ZNF233: variants seen among roughly 807,000 people sequenced by gnomAD.
ZNF233 encodes zinc finger protein 233.
In ZNF233, 7 loss-of-function variants were observed where a neutral mutation model predicts 11.6. The observed-to-expected ratio is 0.60, with a 90% CI of 0.34 to 1.13. The LOEUF is 1.13. ZNF233 is among the 50% of genes most tolerant of loss of function. ZNF233 has a pLI of 0.03. For synonymous variants in ZNF233, 226 were observed against 268.5 expected, an observed-to-expected ratio of 0.84 and a Z score of 1.55; for missense variants, 711 against 785.5, an observed-to-expected ratio of 0.91 and a Z score of 1.13.
intron 1 of ZNF233, among the ~76,000 whole-genome samples, chr19:44,261,483 G>C (rs143476398): frequency 6.6e-6 from 1 of 152,036 alleles, no homozygotes; most frequent in African/African-American, 2.4e-5. Flanking sequence ...ATGACTGGGG[G>C]ATGCTCAAGA....
chr19:44,274,160 A>C lies in ZNF233; in HGVS notation c.1500A>C (p.Arg500Ser). 1 of 1,614,072 alleles carries C rather than the reference A, an allele frequency of 6.2e-7. No individual in the cohort carries two copies. The highest frequency in any genetic ancestry group is 8.5e-7 in the Non-Finnish European group (1 of 1,179,998). The change falls in exon 5 of 5, where the codon AGA (arginine) becomes AGC (serine). Residue 500 changes from arginine to serine, a missense_variant. Arg to Ser is a moderately radical substitution (Grantham distance 110). Transcript: ENST00000683810. ...ATTCCCACCTTCAGGCCCATCAGAG[A>C]GTCCATACAGGAGAGAAACCCTACA... ...SRNSHLQAHQ[R>S]VHTGEKPYKC...
chr19:44,274,923 TATA>T lies in ZNF233; in HGVS notation c.*252_*254del. ...AAGAGAACACACAACAGAGAAACCCTATAAAGAATGATACAATATGTTTCAATC... is the reference window on the plus strand; with the variant it reads ...AAGAGAACACACAACAGAGAAACCCTAAGAATGATACAATATGTTTCAATC... On this transcript the variant is annotated 3_prime_UTR_variant, in exon 5 of 5. Transcript: ENST00000683810. The T allele has an allele frequency of 2.2e-6, 1 of 459,618 alleles. No individual in the cohort carries two copies. The highest frequency in any genetic ancestry group is 6.3e-5 in the South Asian group (1 of 15,994). The allele number at this position is 459,618 out of a possible 1,614,324, so 28.5% of individuals were successfully genotyped here. A position where few individuals can be genotyped will look rare whatever the true frequency, so the allele number is the denominator to read the frequency against.
chr19:44,266,563 T>C (rs1307294270), intron 3 of ZNF233, among the ~76,000 whole-genome samples: 2 of 152,190 alleles, frequency 1.3e-5, no homozygotes, highest in Admixed American at 1.3e-4. Context: ...TGAAATGAAG[T>C]AGAAATATTA....
intron 1 of ZNF233, among the ~76,000 whole-genome samples, chr19:44,263,194 T>A (rs1240285897): frequency 6.6e-6 from 1 of 152,208 alleles, no homozygotes; most frequent in African/African-American, 2.4e-5. Flanking sequence ...ATTCACCCTT[T>A]TAAAGTGTGC....
In ZNF233 at chr19:44,275,039, G is replaced by GC; in HGVS notation, c.*366_*367insC. ...AGAATTTAGCAAAAGTATAATGAGG[G>GC]ACATGACAAAATCTGTGTCCACTAG... On this transcript the variant is annotated 3_prime_UTR_variant, in exon 5 of 5. Coordinates refer to ENST00000683810, the MANE Select transcript of ZNF233 (RefSeq NM_001207005.2). The GC allele has an allele frequency of 2.5e-6, 1 of 406,538 alleles. No individual in the cohort carries two copies. The highest frequency in any genetic ancestry group is 4.0e-5 in the Admixed American group (1 of 25,086). 25.2% of individuals were successfully genotyped at this position (406,538 alleles called of 1,614,324 possible). A position where few individuals can be genotyped will look rare whatever the true frequency, so the allele number is the denominator to read the frequency against.
At chr19:44,271,763 G>T (rs1197248465) in intron 4 of ZNF233, among the ~76,000 whole-genome samples, 7 of 151,928 alleles carry the variant, frequency 4.6e-5, no homozygotes, top group African/African-American at 1.7e-4. Context: ...ACCTGCCTCG[G>T]CCTTCCAAAG....
At chr19:44,271,042 C>T (rs1367829187) in intron 4 of ZNF233, among the ~76,000 whole-genome samples, 2 of 152,148 alleles carry the variant, frequency 1.3e-5, no homozygotes, top group Non-Finnish European at 2.9e-5. Context: ...TTCAGTCAAA[C>T]CAAGTGGCAA....
In ZNF233 at chr19:44,272,906, G is replaced by T; in HGVS notation, c.246G>T (p.Lys82Asn). Residue 82 changes from lysine to asparagine, a missense_variant, in exon 5 of 5, where the codon AAG becomes AAT. Coordinates refer to ENST00000683810, the MANE Select transcript of ZNF233 (RefSeq NM_001207005.2). ...EIQGDGCSGH[K>N]NQNEIDTLQE... ...TTCTCTTTATCATTCTAGGACACAA[G>T]AATCAAAATGAGATAGATACCCTTC... The T allele has an allele frequency of 6.4e-7, 1 of 1,562,318 alleles. No individual in the cohort carries two copies. Among genetic ancestry groups the T allele is most frequent in the Non-Finnish European group, 8.6e-7 (1 of 1,159,472 alleles).
intron 4 of ZNF233, among the ~76,000 whole-genome samples, chr19:44,269,070 A>G (rs532370154): frequency 6.6e-6 from 1 of 152,298 alleles, no homozygotes; most frequent in African/African-American, 2.4e-5. Flanking sequence ...ATGCTCCATG[A>G]ACGTTGACTG....
At chr19:44,268,818 TCTTC>T (rs71820461) in intron 4 of ZNF233, among the ~76,000 whole-genome samples, 5,663 of 152,232 alleles carry the variant, frequency 0.037, 350 homozygotes, top group African/African-American at 0.13. Flanking sequence ...TTTCTTCACT[TCTTC>T]CTTCATTTAT....
Position 44,266,311 on chromosome 19 carries a change from C to A in ZNF233, c.129C>A (p.Asn43Lys). 1.2e-6 allele frequency: 2 copies of A among 1,605,844 alleles called. No individual in the cohort carries two copies. The highest frequency in any genetic ancestry group is 1.1e-5 in the South Asian group (1 of 90,046). Residue 43 changes from asparagine (N) to lysine (K), a missense_variant, in exon 3 of 5, where the codon AAC (asparagine) becomes AAA (lysine). Asn to Lys is a moderately conservative substitution (Grantham distance 94). Coordinates refer to ENST00000683810, the MANE Select transcript of ZNF233 (RefSeq NM_001207005.2). The stretch of plus-strand genomic sequence containing the variant: ...ATGTGATGCTGGAGAACTTCAGGAA[C>A]CTGCTGTCAGTGGGTGAGCACAGGC... ...YQDVMLENFR[N>K]LLSVGYQPFK...
In ZNF233 at chr19:44,273,751, AC is replaced by A; in HGVS notation, c.1094del (p.Pro365GlnfsTer19). 1 of 1,614,176 alleles carries A rather than the reference AC, an allele frequency of 6.2e-7. No individual in the cohort carries two copies. The highest frequency in any genetic ancestry group is 2.2e-5 in the East Asian group (1 of 44,882). On this transcript the variant is annotated frameshift_variant, in exon 5 of 5. Transcript: ENST00000683810. LOFTEE classifies it low-confidence loss of function (END_TRUNC). ...NSCLPSHELT[H>X]PGEKLCTCGR... is the part of the protein sequence containing the mutation. ...TGTCTTCCCTCTCATGAGCTTACTC[AC>A]CCAGGAGAGAAGTTGTGTACATGTG...
chr19:44,272,227 C>CAAAA (rs1226989331), intron 4 of ZNF233, among the ~76,000 whole-genome samples: 63 of 78,352 alleles, frequency 8.0e-4, no homozygotes, highest in African/African-American at 2.5e-3. Flanking sequence ...GACTCCATCT[C>CAAAA]AAAAAAAAAA....
In ZNF233 at chr19:44,274,938, AAT is replaced by A. The variant is rs1201303761; in HGVS notation, c.*268_*269del. On this transcript the variant is annotated 3_prime_UTR_variant, in exon 5 of 5. Coordinates refer to ENST00000683810, the MANE Select transcript of ZNF233 (RefSeq NM_001207005.2). ...AGAGAAACCCTATAAAGAATGATACAATATGTTTCAATCAGAACCTTCACATC... is the reference window on the plus strand; with the variant it reads ...AGAGAAACCCTATAAAGAATGATACAATGTTTCAATCAGAACCTTCACATC... 2 of 439,422 alleles carry A rather than the reference AAT, an allele frequency of 4.6e-6. No homozygotes were observed. Among genetic ancestry groups the A allele is most frequent in the Admixed American group, 7.6e-5 (2 of 26,350 alleles). The allele number at this position is 439,422 out of a possible 1,614,324, so 27.2% of individuals were successfully genotyped here.
intron 2 of ZNF233, 60 bp downstream of exon 2, chr19:44,264,435 C>T (rs1232107673): frequency 1.1e-5 from 17 of 1,510,890 alleles, no homozygotes; most frequent in Admixed American, 3.9e-5. Flanking sequence ...AAAGATTAGA[C>T]ACTTTTTTTT....
chr19:44,267,130 A>T, intron 4 of ZNF233, 169 bp downstream of exon 4: 1 of 513,244 alleles, frequency 1.9e-6, no homozygotes, highest in East Asian at 2.9e-5. Context: ...TCCATTCTCC[A>T]CATAGCCAGA....
At chr19:44,266,390 A>G in intron 3 of ZNF233, 66 bp downstream of exon 3, 2 of 1,412,590 alleles carry the variant, frequency 1.4e-6, no homozygotes, top group Non-Finnish European at 1.9e-6. Context: ...CAATTATTTA[A>G]GACTTTGGGA....
intron 1 of ZNF233, among the ~76,000 whole-genome samples, chr19:44,262,609 G>C (rs919690926): frequency 1.7e-4 from 26 of 152,230 alleles, no homozygotes; most frequent in Admixed American, 1.4e-3. Context: ...GCTTTCAGAA[G>C]AGAATACATT....
Position 44,274,753 on chromosome 19 carries a change from C to A in ZNF233, c.*80C>A. The A allele has an allele frequency of 9.4e-7, 1 of 1,066,570 alleles. No individual in the cohort carries two copies. The highest frequency in any genetic ancestry group is 1.3e-6 in the Non-Finnish European group (1 of 749,948). The allele number at this position is 1,066,570 out of a possible 1,614,324, so 66.1% of individuals were successfully genotyped here. A position where few individuals can be genotyped will look rare whatever the true frequency, so the allele number is the denominator to read the frequency against. On this transcript the variant is annotated 3_prime_UTR_variant, in exon 5 of 5. Coordinates refer to ENST00000683810, the MANE Select transcript of ZNF233 (RefSeq NM_001207005.2). The stretch of plus-strand genomic sequence containing the variant: ...AGACTTCCCATTTTCCTCAGAAAAT[C>A]CACACAGCACAGAATATTTATAAAA...
Sources: allele counts gnomAD v4.1 joint callset (sites outside exome capture counted in the v4.1 genomes callset), GRCh38; gene constraint gnomAD v4.1.1; transcripts MANE v1.5; gene names NCBI Gene and HGNC (gene_info 2026-07-23, HGNC 2026-07-21).